Variants in DNAH6 observed in about 807,000 individuals in gnomAD.
DNAH6 encodes the protein dynein axonemal heavy chain 6.
DNAH6 carries 340 observed loss-of-function variants against 491.4 expected under a neutral mutation model. That is an observed-to-expected ratio of 0.69 (90% CI 0.63 to 0.76). DNAH6 has a LOEUF of 0.76. DNAH6 is among the 30% of genes least tolerant of loss of function. The pLI is 0.00. For missense variants in DNAH6, 4,443 were observed against 4,972.2 expected, an observed-to-expected ratio of 0.89 and a Z score of 3.20; for synonymous variants, 1,603 against 1,686.1, an observed-to-expected ratio of 0.95 and a Z score of 1.21.
At chr2:84,788,006 T>C (rs1677371739) in intron 68 of DNAH6, among the ~76,000 whole-genome samples, 1 of 151,766 alleles carries the variant, frequency 6.6e-6, no homozygotes, top group African/African-American at 2.4e-5. Flanking sequence ...GTAAGGGAAA[T>C]GGAGAACAGC....
At chr2:84,571,194 A>C (rs985377824) in intron 11 of DNAH6, among the ~76,000 whole-genome samples, 1 of 152,258 alleles carries the variant, frequency 6.6e-6, no homozygotes, top group Admixed American at 6.5e-5. Context: ...GCAAGCAAAT[A>C]AATGTAGAAA....
chr2:84,761,055 A>G (rs112174557), intron 63 of DNAH6, among the ~76,000 whole-genome samples: 14 of 152,232 alleles, frequency 9.2e-5, no homozygotes, highest in Admixed American at 9.2e-4. Flanking sequence ...TAGCAAAGAC[A>G]TGGAATCGAC....
At chr2:84,746,437 C>T (rs1294470661) in intron 63 of DNAH6, among the ~76,000 whole-genome samples, 1 of 152,166 alleles carries the variant, frequency 6.6e-6, no homozygotes, top group Non-Finnish European at 1.5e-5. Flanking sequence ...CAAGTTTCAA[C>T]ACAGCACAAG....
intron 15 of DNAH6, among the ~76,000 whole-genome samples, chr2:84,587,189 A>G (rs1683640999): frequency 6.6e-6 from 1 of 152,174 alleles, no homozygotes; most frequent in African/African-American, 2.4e-5. Flanking sequence ...TTTCACTTAT[A>G]AGTAAGAACA....
chr2:84,650,413 G>T (rs1391898538), intron 33 of DNAH6, among the ~76,000 whole-genome samples: 1 of 151,172 alleles, frequency 6.6e-6, no homozygotes, highest in Non-Finnish European at 1.5e-5. Context: ...TCTTTCCTCT[G>T]TCCCTTCCAT....
At chr2:84,511,929 C>A (rs1232012527), upstream of DNAH6, among the ~76,000 whole-genome samples, 1 of 151,978 alleles carries the variant, frequency 6.6e-6, no homozygotes, top group Non-Finnish European at 1.5e-5. Context: ...GCTAGTATTT[C>A]TGATTTTATT....
chr2:84,734,611 G>A (rs1192324), intron 62 of DNAH6, among the ~76,000 whole-genome samples: 16,739 of 152,092 alleles, frequency 0.11, 1,134 homozygotes, highest in African/African-American at 0.19. Context: ...TTGAATGCAA[G>A]GTTCCATATG....
At chr2:84,653,223 A>G in intron 33 of DNAH6, 96 bp from the exon 34 acceptor site, 1 of 1,058,202 alleles carries the variant, frequency 9.4e-7, no homozygotes, top group Non-Finnish European at 1.3e-6. Flanking sequence ...GATCAATGAG[A>G]AACAATAAGA....
At chr2:84,697,515 G>A in intron 46 of DNAH6, 60 bp from the exon 47 acceptor site, 2 of 1,421,638 alleles carry the variant, frequency 1.4e-6, no homozygotes, top group Non-Finnish European at 1.9e-6. Flanking sequence ...ATAAATATTT[G>A]CTTTATAATA....
chr2:84,586,149 C>A (rs560685310), intron 15 of DNAH6, among the ~76,000 whole-genome samples: 1 of 152,338 alleles, frequency 6.6e-6, no homozygotes, highest in South Asian at 2.1e-4. Flanking sequence ...CACTTCCAAG[C>A]CTGAGAGGGC....
At chr2:84,625,421 G>T (rs1177723263) in intron 29 of DNAH6, among the ~76,000 whole-genome samples, 2 of 152,182 alleles carry the variant, frequency 1.3e-5, no homozygotes, top group African/African-American at 4.8e-5. Flanking sequence ...AGAGAATGGT[G>T]TATTGAACAT....
Position 84,517,772 on chromosome 2 carries a change from C to T in DNAH6, c.-8-47C>T. On this transcript the variant is annotated intron_variant, in intron 1 of 76. Transcript: ENST00000389394. ...TCTCCAGTAGCCTCCTTCCCCAATC[C>T]TTTTGATCTACTTTTCATTTTCTTT... The T allele has an allele frequency of 4.9e-6, 7 of 1,440,056 alleles. No individual in the cohort carries two copies. In the South Asian group the frequency reaches 5.2e-5, roughly 11 times the overall value. 89.2% of individuals were successfully genotyped at this position (1,440,056 alleles called of 1,614,324 possible). A position where few individuals can be genotyped will look rare whatever the true frequency, so the allele number is the denominator to read the frequency against.
intron 59 of DNAH6, among the ~76,000 whole-genome samples, chr2:84,720,311 C>T (rs1393317090): frequency 3.4e-5 from 4 of 117,438 alleles, no homozygotes; most frequent in Non-Finnish European, 4.9e-5. Flanking sequence ...CAGAGTCTCG[C>T]TCTGTCGCCC....
the DNAH6 span, among the ~76,000 whole-genome samples, chr2:84,508,175 C>T: frequency 8.5e-5 from 13 of 152,156 alleles, no homozygotes; most frequent in South Asian, 4.1e-4. Flanking sequence ...TAGTAGAATT[C>T]GGCTGTGAAT....
intron 71 of DNAH6, 129 bp from the exon 72 acceptor site, chr2:84,808,286 C>T: frequency 7.9e-6 from 8 of 1,009,836 alleles, no homozygotes; most frequent in Non-Finnish European, 1.1e-5. Flanking sequence ...CATTTAAATC[C>T]TATGTATCTG....
At chr2:84,691,428 T>A (rs1694836565) in intron 45 of DNAH6, among the ~76,000 whole-genome samples, 1 of 152,232 alleles carries the variant, frequency 6.6e-6, no homozygotes, top group Non-Finnish European at 1.5e-5. Flanking sequence ...CCTGGGCAGC[T>A]GAAGAGAAAA....
chr2:84,597,688 GC>G (rs1684737669), intron 18 of DNAH6, among the ~76,000 whole-genome samples: 3 of 152,150 alleles, frequency 2.0e-5, no homozygotes, highest in Admixed American at 2.0e-4. Context: ...GTTCATAATA[GC>G]CAAAAGTAGG....
intron 63 of DNAH6, among the ~76,000 whole-genome samples, chr2:84,755,521 T>G (rs979073014): frequency 1.3e-5 from 2 of 152,216 alleles, no homozygotes; most frequent in African/African-American, 4.8e-5. Context: ...CTTGCCTAAC[T>G]TGTTTATTGG....
chr2:84,570,888 G>A (rs1681761114), intron 11 of DNAH6, among the ~76,000 whole-genome samples: 1 of 152,156 alleles, frequency 6.6e-6, no homozygotes, highest in Non-Finnish European at 1.5e-5. Flanking sequence ...TTACTGGGAA[G>A]GTCTGCGGCT....
Sources: gnomAD v4.1 joint callset for allele counts (sites outside exome capture counted in the v4.1 genomes callset) on GRCh38, gnomAD v4.1.1 for gene constraint, MANE v1.5 for transcripts, NCBI Gene and HGNC (gene_info 2026-07-23, HGNC 2026-07-21) for gene names.